Variants in FGFR1 observed in about 807,000 individuals in gnomAD.
FGFR1 encodes the protein FGFR1/PLAG1 fusion.
A neutral mutation model predicts 93.7 loss-of-function variants in FGFR1; 18 were observed. The ratio of observed to expected loss-of-function variants is 0.19; its 90% confidence interval spans 0.13 to 0.28. FGFR1 has a LOEUF of 0.28. FGFR1 is among the 10% of genes least tolerant of loss of function. The pLI, the probability that FGFR1 is intolerant of heterozygous loss-of-function variation, is 1.00. For missense variants in FGFR1, 731 were observed against 1,080.4 expected, an observed-to-expected ratio of 0.68 and a Z score of 4.53; for synonymous variants, 448 against 429.3, an observed-to-expected ratio of 1.04 and a Z score of -0.54.
chr8:38,455,235 C>CA, intron 2 of FGFR1, among the ~76,000 whole-genome samples: 1 of 152,198 alleles, frequency 6.6e-6, no homozygotes, highest in Middle Eastern at 3.4e-3. Context: ...CTCGGCTTCC[C>CA]AAAATGTTGA....
rs778817173 is a variant in FGFR1, at chr8:38,457,471, T to G, written c.-25A>C. The G allele has an allele frequency of 6.2e-7, 1 of 1,613,644 alleles. No individual in the cohort carries two copies. Among genetic ancestry groups the G allele is most frequent in the East Asian group, 2.2e-5 (1 of 44,872 alleles). The stretch of plus-strand genomic sequence containing the variant: ...TCCCAGTTCTGCAGTTAGAGGTTGG[T>G]GACAAGGCTCCACATCTCCATGGAT... On this transcript the variant is annotated 5_prime_UTR_variant, in exon 2 of 18. Transcript: ENST00000447712.
intron 2 of FGFR1, among the ~76,000 whole-genome samples, chr8:38,452,959 G>C (rs1480405128): frequency 1.3e-5 from 2 of 152,140 alleles, no homozygotes; most frequent in Non-Finnish European, 2.9e-5. Context: ...CCTCGCGACA[G>C]AGTGAGACTC....
rs1235510249 is a variant in FGFR1 at position 38,468,604 on chromosome 8, C to T, written c.-712G>A. ...CCGCCCGCCGCCGAGGACGCCGCGC[C>T]TGTGGCCGCAAGAGCGCTCCGAGCG... On this transcript the variant is annotated 5_prime_UTR_variant, in exon 1 of 18. Transcript: ENST00000447712. 8 of 229,956 alleles carry T rather than the reference C, an allele frequency of 3.5e-5. 1 individual carries two copies. Among genetic ancestry groups the T allele is most frequent in the African/African-American group, 1.8e-4 (8 of 45,142 alleles). The allele number at this position is 229,956 out of a possible 1,614,324, so 14.2% of individuals were successfully genotyped here.
At chr8:38,466,179 A>G (rs902974469) in intron 1 of FGFR1, 3 of 232,332 alleles carry the variant, frequency 1.3e-5, no homozygotes, top group Non-Finnish European at 2.6e-5. Context: ...GGCCCAAATC[A>G]GTCCTTAAAA....
At chr8:38,418,410 G>C (rs754042547) in intron 9 of FGFR1, 37 bp from the exon 10 acceptor site, 8 of 1,602,782 alleles carry the variant, frequency 5.0e-6, no homozygotes, top group Admixed American at 1.7e-5. Flanking sequence ...GAGCAAGGAG[G>C]GGGGACGGGG....
At position 38,415,966 on chromosome 8, in the gene FGFR1, G is replaced by A. The variant is rs1816397399; in HGVS notation, c.1758C>T (p.Asn586=). The change falls in exon 13 of 18, where the codon AAC becomes AAT. Residue 586 remains asparagine (N), a synonymous_variant. Coordinates refer to ENST00000447712, the MANE Select transcript of FGFR1 (RefSeq NM_023110.3). ...GCTGCTCCTCTGGGTTGTGGCTGGGGTTGTAGCAGTATTCCAGCCCTGGGG... is the reference window on the plus strand; with the variant it reads ...GCTGCTCCTCTGGGTTGTGGCTGGGATTGTAGCAGTATTCCAGCCCTGGGG... ...RRPPGLEYCY[N]PSHNPEEQLS... 1 of 1,614,114 alleles carries A rather than the reference G, an allele frequency of 6.2e-7. No individual in the cohort carries two copies. Among genetic ancestry groups the A allele is most frequent in the Admixed American group, 1.7e-5 (1 of 60,022 alleles).
Position 38,424,370 on chromosome 8 carries a change from T to C in FGFR1, c.936+139A>G. The C allele has an allele frequency of 1.1e-6, 1 of 895,408 alleles. No individual in the cohort carries two copies. Among genetic ancestry groups the C allele is most frequent in the South Asian group, 1.4e-5 (1 of 71,492 alleles). The allele number at this position is 895,408 out of a possible 1,614,324, so 55.5% of individuals were successfully genotyped here. A position where few individuals can be genotyped will look rare whatever the true frequency, so the allele number is the denominator to read the frequency against. Reference sequence around the variant, plus strand: ...CTGGGGGATGTGGCTAGATCCCTACTGAGATGGAGTGTGTGTGCCTGAAGC... The same window carrying C: ...CTGGGGGATGTGGCTAGATCCCTACCGAGATGGAGTGTGTGTGCCTGAAGC... On this transcript the variant is annotated intron_variant, in intron 7 of 17. Transcript: ENST00000447712. This position sits in a 1 kb window ranked among gnomAD's most constrained non-coding sequence, Gnocchi z 4.3.
chr8:38,450,217 G>C (rs1830600044), intron 2 of FGFR1, among the ~76,000 whole-genome samples: 3 of 152,324 alleles, frequency 2.0e-5, no homozygotes, highest in Admixed American at 2.0e-4. Context: ...TTGCCTGCCT[G>C]CAAGTTGGTG....
chr8:38,417,379 T>C lies in FGFR1; in HGVS notation c.1590A>G (p.Ser530=). ...CGATCATCTTCATCATCTCCATTTC[T>C]GAGATCAGGTCTGACAAGTCTTTCT... is the stretch of plus-strand genomic sequence containing the variant. ...ATEKDLSDLI[S]EMEMMKMIGK... is the part of the protein sequence containing the mutation. The change falls in exon 12 of 18, where the codon TCA becomes TCG. Residue 530 remains serine (S), a synonymous_variant. Coordinates refer to ENST00000447712, the MANE Select transcript of FGFR1 (RefSeq NM_023110.3). The C allele has an allele frequency of 6.2e-7, 1 of 1,614,112 alleles. No individual in the cohort carries two copies. The highest frequency in any genetic ancestry group is 8.5e-7 in the Non-Finnish European group (1 of 1,180,036).
intron 12 of FGFR1, 72 bp downstream of exon 12, chr8:38,417,234 G>T (rs1051139232): frequency 1.7e-6 from 2 of 1,176,300 alleles, no homozygotes; most frequent in Admixed American, 1.7e-5. Context: ...GCTGAGAGAG[G>T]CCTTGGGACT....
intron 2 of FGFR1, among the ~76,000 whole-genome samples, chr8:38,442,374 T>TGTGTGTGG (rs1474599302): frequency 6.6e-6 from 1 of 151,588 alleles, no homozygotes; most frequent in Non-Finnish European, 1.5e-5. Flanking sequence ...TGTGTGTGTG[T>TGTGTGTGG]GTGTGTGTGT....
At chr8:38,441,580 C>G (rs1232688987) in intron 2 of FGFR1, among the ~76,000 whole-genome samples, 2 of 152,184 alleles carry the variant, frequency 1.3e-5, no homozygotes, top group African/African-American at 4.8e-5. Flanking sequence ...TCTCTCCCTC[C>G]TATCTAAACA....
chr8:38,448,702 C>T (rs1333945552), intron 2 of FGFR1, among the ~76,000 whole-genome samples: 1 of 152,194 alleles, frequency 6.6e-6, no homozygotes, highest in South Asian at 2.1e-4. Flanking sequence ...CGCCTGTAAT[C>T]CCAGCACTTT....
intron 2 of FGFR1, among the ~76,000 whole-genome samples, chr8:38,436,556 G>A (rs1467481902): frequency 1.3e-5 from 2 of 152,014 alleles, no homozygotes; most frequent in African/African-American, 2.4e-5. Flanking sequence ...AGCAGCTGGC[G>A]GGTGGACCTT....
chr8:38,419,940 G>C, intron 8 of FGFR1: 1 of 589,096 alleles, frequency 1.7e-6, no homozygotes, highest in East Asian at 2.8e-5. Flanking sequence ...CAATGGACTT[G>C]AGCCATGGAA....
rs556632395 is a variant in FGFR1, at chr8:38,468,596, C to G, written c.-704G>C. ...GCTAGCTGCCGCCCGCCGCCGAGGA[C>G]GCCGCGCCTGTGGCCGCAAGAGCGC... On this transcript the variant is annotated 5_prime_UTR_variant, in exon 1 of 18. Transcript: ENST00000447712. 1.4e-4 allele frequency: 33 copies of G among 229,722 alleles called. No individual in the cohort carries two copies. In the East Asian group the frequency reaches 2.0e-3, roughly 14 times the overall value. 14.2% of individuals were successfully genotyped at this position (229,722 alleles called of 1,614,324 possible).
intron 2 of FGFR1, among the ~76,000 whole-genome samples, chr8:38,435,962 G>A (rs1023244774): frequency 6.6e-6 from 1 of 152,240 alleles, no homozygotes; most frequent in Non-Finnish European, 1.5e-5. Flanking sequence ...TGTTTCCTGA[G>A]AGATGAGGTG....
At chr8:38,415,123 A>T (rs1039466396) in intron 13 of FGFR1, among the ~76,000 whole-genome samples, 1 of 151,958 alleles carries the variant, frequency 6.6e-6, no homozygotes, top group Non-Finnish European at 1.5e-5. Flanking sequence ...CTGGCCCCTT[A>T]TGCCTCTGCT....
chr8:38,411,529 A>C lies in FGFR1; in HGVS notation c.*2099T>G, dbSNP rs16887356. On this transcript the variant is annotated 3_prime_UTR_variant, in exon 18 of 18. Transcript: ENST00000447712. ...CAAAGAGAATTTTACAATAGTCGCC[A>C]ACACTGCAGCTGCCAAAAAATCCCT... 1,093 of 229,098 alleles carry C rather than the reference A, an allele frequency of 4.8e-3. 39 individuals are homozygous for C. The Admixed American group carries it at 0.052, about 11-fold the overall frequency. 14.2% of individuals were successfully genotyped at this position (229,098 alleles called of 1,614,324 possible). A position where few individuals can be genotyped will look rare whatever the true frequency, so the allele number is the denominator to read the frequency against.
Sources: allele counts gnomAD v4.1 joint callset (sites outside exome capture counted in the v4.1 genomes callset), GRCh38; gene constraint gnomAD v4.1.1; non-coding constraint Gnocchi (gnomAD v3.1); transcripts MANE v1.5; gene names NCBI Gene and HGNC (gene_info 2026-07-23, HGNC 2026-07-21).